EDA: variants seen among roughly 807,000 people sequenced by gnomAD.
EDA encodes ectodysplasin A.
In EDA, 2 loss-of-function variants were observed where a neutral mutation model predicts 23.6. The observed-to-expected ratio is 0.08, with a 90% confidence interval of 0.03 to 0.27. EDA has a LOEUF of 0.27. EDA is among the 10% of genes least tolerant of loss of function. The probability of loss-of-function intolerance (pLI) is 1.00; values close to 1 mark genes in which losing one functional copy is unlikely to be tolerated. For synonymous variants in EDA, 131 were observed against 132.0 expected (o/e 0.99, Z 0.05); for missense variants, 229 against 324.2 (o/e 0.71, Z 2.26).
At chrX:69,830,165 T>A (rs1200221807) in intron 1 of EDA, among the ~76,000 whole-genome samples, 1 of 111,595 alleles carries the variant, frequency 9.0e-6, no homozygotes, top group Non-Finnish European at 1.9e-5. Flanking sequence ...AATATTTTTC[T>A]TGTGTGATGT....
intron 1 of EDA, among the ~76,000 whole-genome samples, chrX:69,804,777 CT>C (rs1201776485): frequency 9.0e-6 from 1 of 111,292 alleles, no homozygotes; most frequent in East Asian, 2.9e-4. Flanking sequence ...TAATTAAAAC[CT>C]GTTTCCAAAA....
chrX:69,667,046 A>G (rs1255536299), intron 1 of EDA, among the ~76,000 whole-genome samples: 7 of 106,748 alleles, frequency 6.6e-5, no homozygotes, highest in East Asian at 5.9e-4. Flanking sequence ...GAATTTATTT[A>G]TTTCCTCTAG....
At chrX:70,032,057 G>A (rs56389667) in intron 6 of EDA, among the ~76,000 whole-genome samples, 1,393 of 110,919 alleles carry the variant, frequency 0.013, 15 homozygotes, top group African/African-American at 0.043. Flanking sequence ...CCAAAAGTTT[G>A]AGACCAGCCT....
intron 2 of EDA, among the ~76,000 whole-genome samples, chrX:69,991,651 A>T (rs2019590392): frequency 9.0e-6 from 1 of 111,565 alleles, no homozygotes; most frequent in African/African-American, 3.3e-5. Context: ...TCTGCTGGGT[A>T]GAGGGACAGC....
chrX:69,703,200 C>T (rs1463223707), intron 1 of EDA, among the ~76,000 whole-genome samples: 7 of 111,778 alleles, frequency 6.3e-5, no homozygotes, highest in Non-Finnish European at 1.3e-4. Flanking sequence ...CCGGAACCTT[C>T]TTGGACCAAG....
chrX:70,011,595 A>G (rs1340536274), intron 2 of EDA, among the ~76,000 whole-genome samples: 1 of 111,471 alleles, frequency 9.0e-6, no homozygotes, highest in African/African-American at 3.3e-5. Context: ...AAGAACAAGT[A>G]AAATGTTTTA....
chrX:69,856,927 G>A (rs1245187360), intron 1 of EDA, among the ~76,000 whole-genome samples: 2 of 111,747 alleles, frequency 1.8e-5, no homozygotes, highest in Admixed American at 1.9e-4. Context: ...TGGGTTTTTG[G>A]TCATGCAGTC....
At chrX:69,980,516 A>G (rs1359748482) in intron 2 of EDA, among the ~76,000 whole-genome samples, 1 of 112,457 alleles carries the variant, frequency 8.9e-6, no homozygotes, top group Non-Finnish European at 1.9e-5. Flanking sequence ...ATGTGCCAGA[A>G]TAATACTTTT....
chrX:69,692,505 T>G (rs1053971573), intron 1 of EDA, among the ~76,000 whole-genome samples: 1 of 111,930 alleles, frequency 8.9e-6, no homozygotes, highest in African/African-American at 3.2e-5. Context: ...GAGACCTGCC[T>G]TAGCTAGCTA....
At chrX:69,829,553 G>A (rs1240437882) in intron 1 of EDA, among the ~76,000 whole-genome samples, 1 of 112,247 alleles carries the variant, frequency 8.9e-6, no homozygotes. Flanking sequence ...CATCACAGAT[G>A]GTTGTTTGCA....
At chrX:69,644,397 G>A (rs1041090167) in intron 1 of EDA, among the ~76,000 whole-genome samples, 1 of 110,571 alleles carries the variant, frequency 9.0e-6, no homozygotes, top group African/African-American at 3.3e-5. Context: ...TCATGATTTG[G>A]CTCTCTGCTT....
At chrX:69,780,838 G>T (rs941147872) in intron 1 of EDA, among the ~76,000 whole-genome samples, 3 of 110,725 alleles carry the variant, frequency 2.7e-5, no homozygotes, top group East Asian at 5.6e-4. Flanking sequence ...CTGCAGAACT[G>T]TGAGTCAATT....
At chrX:69,907,007 A>G (rs959829542) in intron 1 of EDA, among the ~76,000 whole-genome samples, 14 of 111,882 alleles carry the variant, frequency 1.3e-4, no homozygotes, top group African/African-American at 4.2e-4. Flanking sequence ...AATTCTGAAA[A>G]GGAAGAAAGA....
At chrX:70,030,104 A>C (rs1490842778) in intron 5 of EDA, among the ~76,000 whole-genome samples, 2 of 111,960 alleles carry the variant, frequency 1.8e-5, no homozygotes, top group Non-Finnish European at 3.8e-5. Flanking sequence ...GGCCACAGTG[A>C]TAAATCTACA....
At chrX:69,670,956 C>T (rs1933872842) in intron 1 of EDA, among the ~76,000 whole-genome samples, 1 of 111,157 alleles carries the variant, frequency 9.0e-6, no homozygotes, top group African/African-American at 3.3e-5. Context: ...TATTCCATTC[C>T]TCTGGTAGTA....
chrX:69,748,617 G>T (rs146140300), intron 1 of EDA, among the ~76,000 whole-genome samples: 1 of 111,539 alleles, frequency 9.0e-6, no homozygotes, highest in African/African-American at 3.3e-5. Flanking sequence ...ACTGTGACTT[G>T]TCTCCTTTAG....
Position 69,937,910 on chromosome X carries a change from G to A in EDA, c.397-19117G>A, listed in dbSNP as rs1191622070. ...CTGGAAACTCGGTGTCCATAGCAACGTAATTATATTTTCGGATAACTTGAT... is the reference window on the plus strand; with the variant it reads ...CTGGAAACTCGGTGTCCATAGCAACATAATTATATTTTCGGATAACTTGAT... On this transcript the variant is annotated intron_variant, in intron 1 of 7. Coordinates refer to ENST00000374552, the MANE Select transcript of EDA (RefSeq NM_001399.5). 1.2e-5 allele frequency: 15 copies of A among 1,200,332 alleles called. No individual in the cohort carries two copies. In the East Asian group the frequency reaches 2.1e-4, roughly 17 times the overall value.
chrX:69,800,573 T>G (rs2015660038), intron 1 of EDA, among the ~76,000 whole-genome samples: 1 of 111,110 alleles, frequency 9.0e-6, no homozygotes, highest in African/African-American at 3.3e-5. Context: ...GGAACAAACT[T>G]CAGTGTTCTA....
intron 1 of EDA, among the ~76,000 whole-genome samples, chrX:69,921,342 A>T (rs1429496287): frequency 4.5e-5 from 5 of 111,693 alleles, no homozygotes; most frequent in Non-Finnish European, 9.4e-5. Context: ...ACAGAGGAAG[A>T]AAATGTATGT....
Sources: gnomAD v4.1 joint callset for allele counts (sites outside exome capture counted in the v4.1 genomes callset) on GRCh38, gnomAD v4.1.1 for gene constraint, MANE v1.5 for transcripts, NCBI Gene and HGNC (gene_info 2026-07-23, HGNC 2026-07-21) for gene names.